The following PAX2 variants were observed in gnomAD, a reference collection of about 807,000 sequenced individuals.
The protein encoded by PAX2 is paired box protein Pax-2.
PAX2 carries 9 observed loss-of-function variants against 41.7 expected under a neutral mutation model. That is an observed-to-expected ratio of 0.22 (90% CI 0.13 to 0.38). The LOEUF (loss-of-function observed/expected upper bound fraction) is 0.38, where lower values mean the gene tolerates loss of function less well. Among genes scored for constraint, PAX2 ranks in the 10% least tolerant of loss-of-function variants. The pLI is 1.00. For missense variants in PAX2, 418 were observed against 531.6 expected (o/e 0.79, Z 2.10); for synonymous variants, 221 against 212.7 (o/e 1.04, Z -0.34).
intron 3 of PAX2, among the ~76,000 whole-genome samples, chr10:100,764,136 ATTTTTTTTTTT>A (rs145391942): frequency 3.0e-4 from 31 of 103,746 alleles, no homozygotes; most frequent in Non-Finnish European, 3.8e-4. Flanking sequence ...CAAACATTGA[ATTTTTTTTTTT>A]TTTTTTTTTT....
Position 100,791,817 on chromosome 10 carries a change from A to G in PAX2, c.616+10452A>G, listed in dbSNP as rs1847130900. ...CTCCATCTCTTTAGGCAGAGTGCCC[A>G]GCATGAGCCCTTGGGCAGTGTGGGC... is the stretch of plus-strand genomic sequence containing the variant. On this transcript the variant is annotated intron_variant, in intron 5 of 9. Coordinates refer to ENST00000355243, the MANE Select transcript of PAX2 (RefSeq NM_000278.5). This position sits in a 1 kb window ranked among gnomAD's most constrained non-coding sequence, Gnocchi z 4.5. Among the ~76,000 whole-genome samples, 1 of 152,168 alleles carries G rather than the reference A, an allele frequency of 6.6e-6. No individual in the cohort carries two copies. Among genetic ancestry groups the G allele is most frequent in the Non-Finnish European group, 1.5e-5 (1 of 68,026 alleles).
chr10:100,792,360 G>A (rs1418167889), intron 5 of PAX2, among the ~76,000 whole-genome samples: 3 of 152,254 alleles, frequency 2.0e-5, no homozygotes, highest in African/African-American at 4.8e-5. Context: ...AATGCCTGGA[G>A]AGGAAGTCCG....
chr10:100,789,040 AC>A (rs2133914935), intron 5 of PAX2, among the ~76,000 whole-genome samples: 1 of 152,070 alleles, frequency 6.6e-6, no homozygotes, highest in Non-Finnish European at 1.5e-5. Context: ...CTCCTCCCAG[AC>A]CCTGGTTCAG....
chr10:100,750,571 C>T lies in PAX2; in HGVS notation c.213-123C>T. The T allele has an allele frequency of 1.2e-6, 1 of 833,302 alleles. No individual in the cohort carries two copies. Among genetic ancestry groups the T allele is most frequent in the Non-Finnish European group, 1.9e-6 (1 of 516,604 alleles). The allele number at this position is 833,302 out of a possible 1,614,324, so 51.6% of individuals were successfully genotyped here. A position where few individuals can be genotyped will look rare whatever the true frequency, so the allele number is the denominator to read the frequency against. ...AGGAAGTCAGCTCAGCCACACTGGG[C>T]CTTTTCCCTCCACTCCGCTGCCTCG... On this transcript the variant is annotated intron_variant, in intron 2 of 9. Transcript: ENST00000355243. This position sits in a 1 kb window ranked among gnomAD's most constrained non-coding sequence, Gnocchi z 4.1.
chr10:100,790,985 G>A (rs1193731100), intron 5 of PAX2, among the ~76,000 whole-genome samples: 2 of 152,188 alleles, frequency 1.3e-5, no homozygotes, highest in African/African-American at 2.4e-5. Flanking sequence ...CTGACCCTTC[G>A]GTGAACCTGA....
At chr10:100,768,287 A>G (rs1420126540) in intron 3 of PAX2, among the ~76,000 whole-genome samples, 3 of 152,170 alleles carry the variant, frequency 2.0e-5, no homozygotes, top group African/African-American at 7.2e-5. Flanking sequence ...AGATAAACTA[A>G]TCATAGAAAT....
intron 5 of PAX2, 135 bp from the exon 6 acceptor site, chr10:100,806,295 G>A (rs1847778029): frequency 1.1e-6 from 1 of 881,420 alleles, no homozygotes; most frequent in Non-Finnish European, 1.9e-6. Flanking sequence ...ACTGGCCCAG[G>A]GGCTGAGAGT....
chr10:100,816,957 GA>G (rs1369556655), intron 7 of PAX2, among the ~76,000 whole-genome samples: 1 of 152,176 alleles, frequency 6.6e-6, no homozygotes, highest in Non-Finnish European at 1.5e-5. Context: ...TGCGCTTTTG[GA>G]AGGATTAGAG....
intron 3 of PAX2, among the ~76,000 whole-genome samples, chr10:100,762,296 G>A (rs1845868435): frequency 6.6e-6 from 1 of 152,138 alleles, no homozygotes; most frequent in Admixed American, 6.5e-5. Context: ...CCACACCGGG[G>A]TTTCACTGGG....
At chr10:100,787,951 G>A (rs1846938374) in intron 5 of PAX2, among the ~76,000 whole-genome samples, 2 of 152,154 alleles carry the variant, frequency 1.3e-5, no homozygotes, top group Admixed American at 1.3e-4. Context: ...CTTTGGGGAG[G>A]GAGGGGCACC....
At chr10:100,816,297 G>A (rs755445599) in intron 7 of PAX2, among the ~76,000 whole-genome samples, 46 of 152,326 alleles carry the variant, frequency 3.0e-4, no homozygotes, top group South Asian at 1.0e-3. Flanking sequence ...GATTCGTCAG[G>A]TTACGGGACC....
At chr10:100,773,396 T>G (rs1346301052) in intron 3 of PAX2, among the ~76,000 whole-genome samples, 1 of 152,158 alleles carries the variant, frequency 6.6e-6, no homozygotes, top group East Asian at 1.9e-4. Context: ...TGAGGTCACC[T>G]CAATGCTAAT....
intron 8 of PAX2, among the ~76,000 whole-genome samples, chr10:100,825,381 T>C (rs1223437289): frequency 6.6e-6 from 1 of 152,134 alleles, no homozygotes; most frequent in Non-Finnish European, 1.5e-5. Flanking sequence ...CCTGGGGCTC[T>C]GACCCATCCC....
rs746316295 is a variant in PAX2 at position 100,806,548 on chromosome 10, T to C, written c.735T>C (p.Phe245=). Reference sequence around the variant, plus strand: ...AGCTGGAAGCTTTGGATCGGGTCTTTGAGCGTCCTTCCTACCCTGACGTCT... The same window carrying C: ...AGCTGGAAGCTTTGGATCGGGTCTTCGAGCGTCCTTCCTACCCTGACGTCT... ...QQQLEALDRV[F]ERPSYPDVFQ... is the part of the protein sequence containing the mutation. The change falls in exon 6 of 10, where the codon TTT becomes TTC. Residue 245 remains phenylalanine, a synonymous_variant. Transcript: ENST00000355243. The C allele has an allele frequency of 3.7e-5, 60 of 1,614,098 alleles. No individual in the cohort carries two copies. The highest frequency in any genetic ancestry group is 4.9e-5 in the Non-Finnish European group (58 of 1,180,046).
At chr10:100,765,643 G>T (rs11819541) in intron 3 of PAX2, among the ~76,000 whole-genome samples, 27 of 152,250 alleles carry the variant, frequency 1.8e-4, no homozygotes, top group Non-Finnish European at 3.5e-4. Context: ...CAGATGCAGG[G>T]CCAGATGCTG....
chr10:100,784,915 G>A (rs1328661301), intron 5 of PAX2, among the ~76,000 whole-genome samples: 1 of 152,140 alleles, frequency 6.6e-6, no homozygotes, highest in Non-Finnish European at 1.5e-5. Flanking sequence ...TGGTCAAGAG[G>A]CTTTGACCCT....
intron 5 of PAX2, among the ~76,000 whole-genome samples, chr10:100,802,078 G>A (rs903370559): frequency 6.6e-6 from 1 of 152,178 alleles, no homozygotes; most frequent in Non-Finnish European, 1.5e-5. Context: ...CGGAGAATGA[G>A]GCTGAACCCT....
intron 4 of PAX2, 88 bp from the exon 5 acceptor site, chr10:100,781,158 T>C (rs1307173901): frequency 2.2e-6 from 3 of 1,344,164 alleles, no homozygotes; most frequent in South Asian, 1.2e-5. Flanking sequence ...CCTCTGCTTC[T>C]CTCTGCCCCC....
At chr10:100,796,687 C>T (rs1182043149) in intron 5 of PAX2, among the ~76,000 whole-genome samples, 1 of 152,142 alleles carries the variant, frequency 6.6e-6, no homozygotes, top group Non-Finnish European at 1.5e-5. Flanking sequence ...GAGCATTTTG[C>T]TTTCTTCAGT....
Sources: gnomAD v4.1 joint callset for allele counts (sites outside exome capture counted in the v4.1 genomes callset) on GRCh38, gnomAD v4.1.1 for gene constraint, Gnocchi (gnomAD v3.1) non-coding constraint, MANE v1.5 for transcripts, NCBI Gene and HGNC (gene_info 2026-07-23, HGNC 2026-07-21) for gene names.